The following VCAN variants were observed in gnomAD, a reference collection of about 807,000 sequenced individuals.
The protein encoded by VCAN is versican core protein.
Under a neutral mutation model 245.5 loss-of-function variants are expected in VCAN, and 44 were observed. That is an observed-to-expected ratio of 0.18 (90% CI 0.14 to 0.23). The LOEUF (loss-of-function observed/expected upper bound fraction) is 0.23. VCAN is among the 10% of genes least tolerant of loss of function. VCAN has a pLI of 1.00. For missense variants in VCAN, 3,793 were observed against 4,057.9 expected (o/e 0.93, Z 1.77); for synonymous variants, 1,413 against 1,437.0 (o/e 0.98, Z 0.38).
Position 83,520,657 on chromosome 5 carries a change from C to T in VCAN, c.2351C>T (p.Thr784Ile). ...PGTTKYDENI[T>I]TVLLAHGTLS... is the part of the protein sequence containing the mutation. ...ACTACAAAATATGATGAAAATATTA[C>T]AACAGTGCTTTTGGCCCATGGTACT... The change falls in exon 7 of 15, where the codon ACA becomes ATA. Residue 784 changes from threonine to isoleucine, a missense_variant. Physicochemically the swap from Thr to Ile is moderately conservative, Grantham distance 89. This residue lies in a region of VCAN where 3,182 missense variants were observed against 3,250.3 expected (regional missense o/e 0.98). Coordinates refer to ENST00000265077, the MANE Select transcript of VCAN (RefSeq NM_004385.5). The T allele has an allele frequency of 1.2e-6, 2 of 1,614,008 alleles. No individual in the cohort carries two copies. Among genetic ancestry groups the T allele is most frequent in the East Asian group, 4.5e-5 (2 of 44,876 alleles).
rs1746106768 is a variant in VCAN at position 83,521,664 on chromosome 5, G to T, written c.3358G>T (p.Val1120Leu). The T allele has an allele frequency of 6.2e-7, 1 of 1,613,704 alleles. No individual in the cohort carries two copies. Among genetic ancestry groups the T allele is most frequent in the Admixed American group, 1.7e-5 (1 of 59,978 alleles). The change falls in exon 7 of 15, where the codon GTA becomes TTA. Residue 1120 changes from valine to leucine, a missense_variant. By Grantham distance (32) the Val-to-Leu change is conservative. This residue lies in a region of VCAN where 3,182 missense variants were observed against 3,250.3 expected (regional missense o/e 0.98). Coordinates refer to ENST00000265077, the MANE Select transcript of VCAN (RefSeq NM_004385.5). ...GCACAAAGTGAAAACAGATGAAGTGGTAACACTAACACCACGCATTGGGCC... is the reference window on the plus strand; with the variant it reads ...GCACAAAGTGAAAACAGATGAAGTGTTAACACTAACACCACGCATTGGGCC... ...TEHKVKTDEV[V>L]TLTPRIGPKV...
In VCAN at chr5:83,545,458, A is replaced by C. The variant is rs372872979; in HGVS notation, c.9266-79A>C. 63 of 1,090,750 alleles carry C rather than the reference A, an allele frequency of 5.8e-5. No individual in the cohort carries two copies. The East Asian group carries it at 8.2e-4, about 14-fold the overall frequency. The allele number at this position is 1,090,750 out of a possible 1,614,324, so 67.6% of individuals were successfully genotyped here. On this transcript the variant is annotated intron_variant, in intron 8 of 14. Transcript: ENST00000265077. ...GTAAAGCCTATAATATGGTAGCAAT[A>C]TGGGGCGTTTTATGCTAAAATACAC...
chr5:83,506,749 C>A (rs983626114), intron 5 of VCAN, among the ~76,000 whole-genome samples: 2 of 152,080 alleles, frequency 1.3e-5, no homozygotes, highest in Non-Finnish European at 2.9e-5. Flanking sequence ...AAGGCATACC[C>A]GAGACTGAGA....
rs189936703 is a variant in VCAN at position 83,568,533 on chromosome 5, T to C, written c.9736-3883T>C. Among the ~76,000 whole-genome samples, 3 of 152,322 alleles carry C rather than the reference T, an allele frequency of 2.0e-5. No homozygotes were observed. The East Asian group carries it at 5.8e-4, about 29-fold the overall frequency. ...GCAGTTTGAGCCCCGAGAATCACTT[T>C]AGTGGCATGGAGTCCGAATCTCATT... On this transcript the variant is annotated intron_variant, in intron 12 of 14. Transcript: ENST00000265077.
intron 1 of VCAN, among the ~76,000 whole-genome samples, chr5:83,482,001 T>C (rs1409014570): frequency 1.3e-5 from 2 of 152,236 alleles, no homozygotes; most frequent in African/African-American, 4.8e-5. Context: ...CTGAAAAATA[T>C]ATACCAGTTA....
At position 83,522,032 on chromosome 5, in the gene VCAN, A is replaced by G. The variant is rs113587595; in HGVS notation, c.3726A>G (p.Glu1242=). 1 of 1,614,234 alleles carries G rather than the reference A, an allele frequency of 6.2e-7. No individual in the cohort carries two copies. The highest frequency in any genetic ancestry group is 1.7e-5 in the Admixed American group (1 of 60,034). ...CTCTCATCGACAGGGAACCTGGTGA[A>G]GAAACAACCAGTGACATGGTAATCA... ...KPPLIDREPG[E]ETTSDMVIIG... Residue 1242 remains glutamate (E), a synonymous_variant, in exon 7 of 15, where the codon GAA becomes GAG. Transcript: ENST00000265077.
chr5:83,485,747 T>C (rs1425469840), intron 2 of VCAN, among the ~76,000 whole-genome samples: 1 of 152,052 alleles, frequency 6.6e-6, no homozygotes, highest in Non-Finnish European at 1.5e-5. Context: ...ATAAATTGAC[T>C]CCTGGGATGG....
rs779221797 is a variant in VCAN at position 83,519,422 on chromosome 5, A to G, written c.1116A>G (p.Gln372=). 2 of 1,614,112 alleles carry G rather than the reference A, an allele frequency of 1.2e-6. No homozygotes were observed. The highest frequency in any genetic ancestry group is 8.5e-7 in the Non-Finnish European group (1 of 1,179,938). ...TASPSLSKEP[Q]MVSDRTTPII... ...CACCCAGTTTATCCAAAGAACCACAAATGGTTTCTGATAGAACTACACCAA... is the reference window on the plus strand; with the variant it reads ...CACCCAGTTTATCCAAAGAACCACAGATGGTTTCTGATAGAACTACACCAA... Residue 372 remains glutamine, a synonymous_variant, in exon 7 of 15, where the codon CAA becomes CAG. Transcript: ENST00000265077.
At chr5:83,490,061 T>G in intron 2 of VCAN, 37 bp from the exon 3 acceptor site, 2 of 1,612,432 alleles carry the variant, frequency 1.2e-6, no homozygotes, top group East Asian at 2.2e-5. Flanking sequence ...TTTGGGTTTT[T>G]TAAGATTGTT....
intron 7 of VCAN, among the ~76,000 whole-genome samples, chr5:83,530,846 A>T (rs1173171034): frequency 6.6e-6 from 1 of 152,102 alleles, no homozygotes; most frequent in Admixed American, 6.6e-5. Flanking sequence ...GTGATACAAA[A>T]TATAAGAATA....
intron 5 of VCAN, among the ~76,000 whole-genome samples, chr5:83,509,919 T>A (rs1745599970): frequency 6.6e-6 from 1 of 152,176 alleles, no homozygotes; most frequent in African/African-American, 2.4e-5. Context: ...TTATTTAATG[T>A]GCTGTTGGGA....
Position 83,521,642 on chromosome 5 carries a change from C to T in VCAN, c.3336C>T (p.His1112=). The part of the protein sequence containing the change: ...VSYPPGAVTE[H]KVKTDEVVTL... ...ATCCACCAGGTGCTGTAACTGAGCA[C>T]AAAGTGAAAACAGATGAAGTGGTAA... The change falls in exon 7 of 15, where the codon CAC becomes CAT. Residue 1112 remains histidine (H), a synonymous_variant. Coordinates refer to ENST00000265077, the MANE Select transcript of VCAN (RefSeq NM_004385.5). The T allele has an allele frequency of 6.2e-7, 1 of 1,613,838 alleles. No homozygotes were observed. The highest frequency in any genetic ancestry group is 8.5e-7 in the Non-Finnish European group (1 of 1,180,008).
chr5:83,485,212 T>C (rs575324125), intron 2 of VCAN, among the ~76,000 whole-genome samples: 48 of 152,256 alleles, frequency 3.2e-4, no homozygotes, highest in African/African-American at 1.2e-3. Flanking sequence ...AACCAATTCA[T>C]AGGAGTGTGT....
chr5:83,483,458 A>G, intron 1 of VCAN, 55 bp from the exon 2 acceptor site: 3 of 1,415,902 alleles, frequency 2.1e-6, no homozygotes, highest in Non-Finnish European at 3.0e-6. Context: ...GTGATTTATG[A>G]CCCACTTTAA....
At chr5:83,477,356 G>A (rs33601) in intron 1 of VCAN, among the ~76,000 whole-genome samples, 105,489 of 151,976 alleles carry the variant, frequency 0.69, 36,791 homozygotes, top group Middle Eastern at 0.81. Flanking sequence ...CAGAAGACAG[G>A]TTACAGAAAT....
At chr5:83,473,935 C>T (rs1316489251) in intron 1 of VCAN, among the ~76,000 whole-genome samples, 2 of 152,144 alleles carry the variant, frequency 1.3e-5, no homozygotes, top group East Asian at 1.9e-4. Context: ...TGCCTTCTCG[C>T]GAGTCGGCTG....
chr5:83,507,875 T>G (rs186415551), intron 5 of VCAN, among the ~76,000 whole-genome samples: 97 of 152,340 alleles, frequency 6.4e-4, no homozygotes, highest in African/African-American at 2.2e-3. Flanking sequence ...ACATCTTGAT[T>G]GCTTTTCTCA....
intron 5 of VCAN, among the ~76,000 whole-genome samples, chr5:83,508,141 A>ATACGGGAAGG: frequency 6.6e-6 from 1 of 152,116 alleles, no homozygotes; most frequent in Non-Finnish European, 1.5e-5. Flanking sequence ...GCAGCCTTTG[A>ATACGGGAAGG]CATAATCCTG....
chr5:83,535,194 T>C (rs577450184), intron 7 of VCAN, among the ~76,000 whole-genome samples: 1 of 152,260 alleles, frequency 6.6e-6, no homozygotes, highest in Admixed American at 6.5e-5. Flanking sequence ...TTTTCTCATT[T>C]ATTTGAATAC....
Sources: gnomAD v4.1 joint callset for allele counts (sites outside exome capture counted in the v4.1 genomes callset) on GRCh38, gnomAD v4.1.1 for gene constraint, gnomAD v4.1.1 regional missense constraint, MANE v1.5 for transcripts, NCBI Gene and HGNC (gene_info 2026-07-23, HGNC 2026-07-21) for gene names.